BANK1: variants seen among roughly 807,000 people sequenced by gnomAD.
BANK1 encodes B cell scaffold protein with ankyrin repeats 1.
A neutral mutation model predicts 94.5 loss-of-function variants in BANK1; 95 were observed. The observed-to-expected ratio is 1.00, with a 90% CI of 0.85 to 1.19. The LOEUF is 1.19. Among genes scored for constraint, BANK1 ranks in the 50% most tolerant of loss-of-function variants. The pLI is 0.00. For missense variants in BANK1, 987 were observed against 932.2 expected (o/e 1.06, Z -0.77); for synonymous variants, 334 against 308.4 (o/e 1.08, Z -0.87).
At chr4:102,041,569 G>T (rs763346731) in intron 10 of BANK1, among the ~76,000 whole-genome samples, 2 of 152,046 alleles carry the variant, frequency 1.3e-5, no homozygotes, top group African/African-American at 2.4e-5. Context: ...AGCTGCAAGT[G>T]AATTAAAAGA....
chr4:101,950,018 GGTGTGTGTGT>G lies in BANK1; in HGVS notation c.1206+31863_1206+31872del, dbSNP rs6148602. Among the ~76,000 whole-genome samples, 1,384 of 149,380 alleles carry G rather than the reference GGTGTGTGTGT, an allele frequency of 9.3e-3. 30 individuals carry two copies. The highest frequency in any genetic ancestry group is 0.031 in the African/African-American group (1,259 of 40,302). On this transcript the variant is annotated intron_variant, in intron 7 of 16. Coordinates refer to ENST00000322953, the MANE Select transcript of BANK1 (RefSeq NM_017935.5). ...CTACATTTAGTTTAAGGAAGTAAGG[GGTGTGTGTGT>G]GTGTGTGTGTGTGTGTGTGTGTGTG... is the stretch of plus-strand genomic sequence containing the variant.
At chr4:101,866,606 C>A (rs755474316) in intron 4 of BANK1, among the ~76,000 whole-genome samples, 1 of 151,952 alleles carries the variant, frequency 6.6e-6, no homozygotes, top group African/African-American at 2.4e-5. Context: ...AAAACGAATA[C>A]CTTACCTGTA....
At chr4:102,072,222 C>A in intron 14 of BANK1, 123 bp from the exon 15 acceptor site, 1 of 798,060 alleles carries the variant, frequency 1.3e-6, no homozygotes, top group Non-Finnish European at 2.0e-6. Context: ...TTTTATCTTC[C>A]TAATAATTTT....
chr4:101,921,581 C>A (rs914792725), intron 7 of BANK1, among the ~76,000 whole-genome samples: 4 of 151,904 alleles, frequency 2.6e-5, no homozygotes, highest in Admixed American at 1.3e-4. Context: ...ACATATGTCA[C>A]CCCATCCATT....
At chr4:101,920,733 C>T (rs1022048299) in intron 7 of BANK1, among the ~76,000 whole-genome samples, 8 of 151,880 alleles carry the variant, frequency 5.3e-5, no homozygotes, top group African/African-American at 1.9e-4. Flanking sequence ...CCTAATCCCC[C>T]ATCAATAAAA....
chr4:101,844,413 A>G (rs144761098), intron 2 of BANK1, among the ~76,000 whole-genome samples: 53 of 152,316 alleles, frequency 3.5e-4, no homozygotes, highest in African/African-American at 1.2e-3. Context: ...AAAGACTGCA[A>G]TGGCAAACCA....
chr4:102,039,870 A>G lies in BANK1; in HGVS notation c.1901-3969A>G, dbSNP rs115274181. 7.9e-3 allele frequency among the ~76,000 whole-genome samples: 1,209 copies of G among 152,172 alleles called. 18 individuals carry two copies. The highest frequency in any genetic ancestry group is 0.028 in the African/African-American group (1,149 of 41,518). On this transcript the variant is annotated intron_variant, in intron 10 of 16. Transcript: ENST00000322953. ...CGAATCTATGTATTTTATTTTATAT[A>G]AAGTCTCTATTTTCAAGCATTATCA...
At chr4:101,986,558 G>A (rs1169608780) in intron 7 of BANK1, among the ~76,000 whole-genome samples, 1 of 151,762 alleles carries the variant, frequency 6.6e-6, no homozygotes, top group African/African-American at 2.4e-5. Flanking sequence ...GAAATAGTAA[G>A]AGTAAATGTA....
Position 101,918,006 on chromosome 4 carries a change from A to T in BANK1, c.1023A>T (p.Lys341Asn). 2.5e-6 allele frequency: 4 copies of T among 1,605,020 alleles called. No homozygotes were observed. The highest frequency in any genetic ancestry group is 3.4e-6 in the Non-Finnish European group (4 of 1,173,756). ...TTATGCTTACAGATACTCATTTCAA[A>T]GAACTTCCAACTCTTCTCCACTGTG... is the stretch of plus-strand genomic sequence containing the variant. ...ICSQNKYTHFKELPTLLHCAA... is the reference protein window; with the variant it reads ...ICSQNKYTHFNELPTLLHCAA... The change falls in exon 7 of 17, where the codon AAA (lysine) becomes AAT (asparagine). Residue 341 changes from lysine (K) to asparagine (N), a missense_variant. By Grantham distance (94) the Lys-to-Asn change is moderately conservative (BLOSUM62 0). Coordinates refer to ENST00000322953, the MANE Select transcript of BANK1 (RefSeq NM_017935.5).
At chr4:102,061,902 A>G (rs1728431210) in intron 12 of BANK1, 2 of 152,198 alleles carry the variant, frequency 1.3e-5, no homozygotes, top group African/African-American at 2.4e-5. Context: ...ACAGATACTA[A>G]GATTACTTTC....
chr4:102,073,457 T>C (rs1314156851), intron 15 of BANK1, among the ~76,000 whole-genome samples: 2 of 151,978 alleles, frequency 1.3e-5, no homozygotes, highest in Non-Finnish European at 2.9e-5. Flanking sequence ...ATGCTTAAAA[T>C]GTTCTGCAAA....
intron 6 of BANK1, among the ~76,000 whole-genome samples, chr4:101,908,890 TA>T (rs1478097614): frequency 6.6e-6 from 1 of 152,126 alleles, no homozygotes; most frequent in Non-Finnish European, 1.5e-5. Context: ...TGGTGATCAT[TA>T]AAAAGTCAGG....
intron 10 of BANK1, among the ~76,000 whole-genome samples, chr4:102,035,591 T>C (rs963591353): frequency 1.4e-5 from 2 of 147,294 alleles, no homozygotes; most frequent in African/African-American, 5.1e-5. Context: ...GAGCTTGCAG[T>C]GATCCGAGAT....
At chr4:101,898,188 G>A (rs1163144663) in intron 6 of BANK1, among the ~76,000 whole-genome samples, 2 of 151,862 alleles carry the variant, frequency 1.3e-5, no homozygotes, top group African/African-American at 2.4e-5. Flanking sequence ...GTAAAGACAT[G>A]AATATGACTC....
chr4:101,866,433 G>T (rs926897167), intron 4 of BANK1, among the ~76,000 whole-genome samples: 4 of 152,072 alleles, frequency 2.6e-5, no homozygotes, highest in African/African-American at 9.7e-5. Flanking sequence ...ATGACAAAAT[G>T]AAGCACAATA....
At chr4:101,859,607 A>T (rs1727797620) in intron 3 of BANK1, among the ~76,000 whole-genome samples, 1 of 152,150 alleles carries the variant, frequency 6.6e-6, no homozygotes, top group South Asian at 2.1e-4. Context: ...GAGGATCCTA[A>T]TATTTTCTCC....
At chr4:101,932,231 C>T (rs1042906336) in intron 7 of BANK1, among the ~76,000 whole-genome samples, 1 of 151,428 alleles carries the variant, frequency 6.6e-6, no homozygotes, top group Non-Finnish European at 1.5e-5. Context: ...CCACCAATCC[C>T]ACTCTAACCT....
At chr4:102,072,586 CAA>C (rs1728795310) in intron 15 of BANK1, among the ~76,000 whole-genome samples, 186 bp downstream of exon 15, 1 of 151,712 alleles carries the variant, frequency 6.6e-6, no homozygotes, top group African/African-American at 2.4e-5. Flanking sequence ...GGAAAAAAAA[CAA>C]AGAGGGAACT....
At chr4:101,848,167 CTCTT>C (rs1186183773) in intron 2 of BANK1, among the ~76,000 whole-genome samples, 1 of 152,178 alleles carries the variant, frequency 6.6e-6, no homozygotes, top group Non-Finnish European at 1.5e-5. Flanking sequence ...AGGAGGGTCT[CTCTT>C]TCCCACTTCC....
Sources: allele counts gnomAD v4.1 joint callset (sites outside exome capture counted in the v4.1 genomes callset), GRCh38; gene constraint gnomAD v4.1.1; transcripts MANE v1.5; gene names NCBI Gene and HGNC (gene_info 2026-07-23, HGNC 2026-07-21).